Variants in FAAP100 observed in about 807,000 individuals in gnomAD.
FAAP100 encodes the protein Fanconi anemia core complex-associated protein 100.
Under a neutral mutation model 65.8 loss-of-function variants are expected in FAAP100, and 46 were observed. The ratio of observed to expected loss-of-function variants is 0.70; its 90% confidence interval spans 0.55 to 0.89. The LOEUF is 0.89. Ranked by LOEUF, FAAP100 falls within the 40% of genes least tolerant of loss-of-function variation. The pLI is 0.00. For missense variants in FAAP100, 1,165 were observed against 1,196.7 expected (o/e 0.97, Z 0.39); for synonymous variants, 663 against 555.1 (o/e 1.19, Z -2.73).
chr17:81,551,642 C>T, intron 2 of FAAP100: 1 of 1,238,626 alleles, frequency 8.1e-7, no homozygotes, highest in Non-Finnish European at 1.0e-6. Context: ...ACCTCGGGGG[C>T]GTGTCTCACC....
At chr17:81,546,849 G>A in intron 5 of FAAP100, 60 bp downstream of exon 5, 2 of 1,336,878 alleles carry the variant, frequency 1.5e-6, no homozygotes, top group Non-Finnish European at 1.9e-6. Flanking sequence ...GCAAGTTCCT[G>A]TCTCTTAAAA....
chr17:81,545,711 G>A (rs2033273806), intron 6 of FAAP100, 35 bp downstream of exon 6: 4 of 1,590,110 alleles, frequency 2.5e-6, no homozygotes, highest in Non-Finnish European at 3.4e-6. Flanking sequence ...AAGAACTGCT[G>A]GTGCCGTGGC....
At chr17:81,541,033 C>A in intron 8 of FAAP100, 83 bp from the exon 9 acceptor site, 1 of 1,448,728 alleles carries the variant, frequency 6.9e-7, no homozygotes, top group Non-Finnish European at 9.1e-7. Context: ...CCACCACTCG[C>A]AGGACCCTAC....
At chr17:81,552,645 C>T (rs968897054), upstream of FAAP100, among the ~76,000 whole-genome samples, 1 of 152,186 alleles carries the variant, frequency 6.6e-6, no homozygotes, top group Admixed American at 6.5e-5. Flanking sequence ...GGTGGGGAAG[C>T]GGGTCCTGGC....
Position 81,551,929 on chromosome 17 carries a change from T to C in FAAP100, c.289A>G (p.Arg97Gly). 2 of 1,552,066 alleles carry C rather than the reference T, an allele frequency of 1.3e-6. No homozygotes were observed. The highest frequency in any genetic ancestry group is 1.2e-5 in the South Asian group (1 of 84,806). ...GGGAGGCCGCGGGCCCGCCCTCACC[T>C]GCTCCTGCCCGGGTGGTCCAGCGAC... is the stretch of plus-strand genomic sequence containing the variant. ...CLSLDHPGRSRSTSQDDRDSE... is the reference protein window; with the variant it reads ...CLSLDHPGRSGSTSQDDRDSE... The change falls in exon 2 of 9, where the codon AGG becomes GGG. Residue 97 changes from arginine to glycine, a missense_variant and splice_region_variant. Transcript: ENST00000327787.
chr17:81,551,687 G>A, intron 2 of FAAP100: 1 of 1,326,894 alleles, frequency 7.5e-7, no homozygotes, highest in Non-Finnish European at 9.6e-7. Context: ...CAAAGGACAG[G>A]ATCCCGCGCC....
chr17:81,550,871 G>C lies in FAAP100; in HGVS notation c.623C>G (p.Pro208Arg). The change falls in exon 3 of 9, where the codon CCG becomes CGG. Residue 208 changes from proline (P) to arginine (R), a missense_variant. Coordinates refer to ENST00000327787, the MANE Select transcript of FAAP100 (RefSeq NM_025161.6). ...CSVSPSGSRV[P>R]HDLLGGSGGF... ...CCCGGAGCCCCCGAGGAGGTCGTGC[G>C]GGACCCTGGAGCCTGATGGTGACAC... 6.2e-7 allele frequency: 1 copy of C among 1,612,336 alleles called. No homozygotes were observed. The highest frequency in any genetic ancestry group is 8.5e-7 in the Non-Finnish European group (1 of 1,179,736).
intron 6 of FAAP100, 32 bp downstream of exon 6, chr17:81,545,714 G>A (rs2033274021): frequency 6.3e-7 from 1 of 1,592,988 alleles, no homozygotes; most frequent in East Asian, 2.3e-5. Flanking sequence ...AACTGCTGGT[G>A]CCGTGGCTCG....
chr17:81,549,908 C>T (rs2033430397), intron 3 of FAAP100, among the ~76,000 whole-genome samples: 1 of 152,232 alleles, frequency 6.6e-6, no homozygotes, highest in Non-Finnish European at 1.5e-5. Flanking sequence ...CCGGAACAGA[C>T]CTCCCTGGGC....
intron 4 of FAAP100, 156 bp from the exon 5 acceptor site, chr17:81,547,834 C>T (rs1234187951): frequency 1.0e-6 from 1 of 954,592 alleles, no homozygotes; most frequent in East Asian, 2.6e-5. Flanking sequence ...GCCCCAGGGG[C>T]ATGTTTCTCC....
chr17:81,550,240 G>A lies in FAAP100; in HGVS notation c.1246+8C>T, dbSNP rs1454244799. On this transcript the variant is annotated splice_region_variant and intron_variant, in intron 3 of 8. Coordinates refer to ENST00000327787, the MANE Select transcript of FAAP100 (RefSeq NM_025161.6). ...CTCCCATCTTTCATTTTAGACAGCA[G>A]CTCATACCTTCATGCGTCCTGGGAG... 2 of 1,587,244 alleles carry A rather than the reference G, an allele frequency of 1.3e-6. No homozygotes were observed.
intron 6 of FAAP100, among the ~76,000 whole-genome samples, chr17:81,545,391 C>G (rs1275583939): frequency 6.6e-6 from 1 of 152,224 alleles, no homozygotes; most frequent in African/African-American, 2.4e-5. Flanking sequence ...CACGACAGGT[C>G]TGGAGCCTTC....
At chr17:81,545,196 C>CTG (rs2033255657) in intron 6 of FAAP100, among the ~76,000 whole-genome samples, 1 of 152,242 alleles carries the variant, frequency 6.6e-6, no homozygotes, top group South Asian at 2.1e-4. Context: ...AGTGCAGACT[C>CTG]TGAGCCCCAG....
chr17:81,549,443 C>A, intron 3 of FAAP100, 81 bp from the exon 4 acceptor site: 1 of 1,502,954 alleles, frequency 6.7e-7, no homozygotes, highest in Non-Finnish European at 8.9e-7. Context: ...TCCCTGGACT[C>A]CAGGAAAGAA....
chr17:81,547,340 G>A lies in FAAP100; in HGVS notation c.1742C>T (p.Thr581Met), dbSNP rs758600313. 47 of 1,612,554 alleles carry A rather than the reference G, an allele frequency of 2.9e-5. No individual in the cohort carries two copies. Among genetic ancestry groups the A allele is most frequent in the East Asian group, 1.6e-4 (7 of 44,892 alleles). ...QLGPGARREV[T>M]LPLGPGENGG... ...GTTCTCACCAGGGCCCAGGGGTAGC[G>A]TCACCTCCCGCCGAGCACCGGGGCC... Residue 581 changes from threonine to methionine, a missense_variant, in exon 5 of 9, where the codon ACG becomes ATG. By Grantham distance (81) the Thr-to-Met change is moderately conservative. Transcript: ENST00000327787.
At chr17:81,542,248 C>G (rs142146424) in intron 7 of FAAP100, among the ~76,000 whole-genome samples, 2 of 118,612 alleles carry the variant, frequency 1.7e-5, no homozygotes, top group African/African-American at 6.7e-5. Context: ...ATCAGCCAGG[C>G]GTGGTGACAG....
Position 81,540,956 on chromosome 17 carries a change from G to A in FAAP100, c.2515-6C>T, listed in dbSNP as rs757950944. On this transcript the variant is annotated splice_region_variant and splice_polypyrimidine_tract_variant and intron_variant, in intron 8 of 8. Transcript: ENST00000327787. ...TGCACCTCCCGCAGCAGTGTCTGCA[G>A]GTGAAGCAGACACAGCTCAGGCCCC... 1.3e-6 allele frequency: 2 copies of A among 1,575,988 alleles called. No individual in the cohort carries two copies. The highest frequency in any genetic ancestry group is 2.3e-5 in the South Asian group (2 of 87,582).
chr17:81,545,760 G>A lies in FAAP100; in HGVS notation c.2296C>T (p.Leu766Phe), dbSNP rs990755057. Residue 766 changes from leucine to phenylalanine, a missense_variant, in exon 6 of 9, where the codon CTC becomes TTC. Transcript: ENST00000327787. ...CCCCTGCTTGCCTCTCGGACGATGAGGTGAACGTTGGCGCCATCAGGGGCC... is the reference window on the plus strand; with the variant it reads ...CCCCTGCTTGCCTCTCGGACGATGAAGTGAACGTTGGCGCCATCAGGGGCC... ...GVAPDGANVH[L>F]IVREVAMTDL... 3 of 1,611,886 alleles carry A rather than the reference G, an allele frequency of 1.9e-6. No individual in the cohort carries two copies. In the African/African-American group the frequency reaches 4.0e-5, roughly 22 times the overall value.
chr17:81,551,792 G>A (rs919618797), intron 2 of FAAP100, 136 bp downstream of exon 2: 7 of 1,379,412 alleles, frequency 5.1e-6, no homozygotes, highest in Non-Finnish European at 6.5e-6. Context: ...CCAGATAATC[G>A]GGCAGGGATG....
Sources: gnomAD v4.1 joint callset for allele counts (sites outside exome capture counted in the v4.1 genomes callset) on GRCh38, gnomAD v4.1.1 for gene constraint, MANE v1.5 for transcripts, NCBI Gene and HGNC (gene_info 2026-07-23, HGNC 2026-07-21) for gene names.